The following EYS variants were observed in gnomAD, a reference collection of about 807,000 sequenced individuals.
The protein encoded by EYS is protein eyes shut homolog.
In EYS, 250 loss-of-function variants were observed where a neutral mutation model predicts 282.1. The ratio of observed to expected loss-of-function variants is 0.89; its 90% CI spans 0.80 to 0.98. EYS has a LOEUF of 0.98. Ranked by LOEUF, EYS falls within the 50% of genes least tolerant of loss-of-function variation. The pLI, the probability that EYS is intolerant of heterozygous loss-of-function variation, is 0.00. For missense variants in EYS, 4,016 were observed against 3,709.0 expected (o/e 1.08, Z -2.15); for synonymous variants, 1,355 against 1,282.9 (o/e 1.06, Z -1.20).
chr6:64,345,479 G>T (rs1236550898), intron 29 of EYS, among the ~76,000 whole-genome samples: 1 of 152,000 alleles, frequency 6.6e-6, no homozygotes, highest in Admixed American at 6.6e-5. Flanking sequence ...AAATGGTGCT[G>T]GGAAAACTGG....
intron 14 of EYS, among the ~76,000 whole-genome samples, chr6:64,990,844 G>A (rs1771038499): frequency 6.6e-6 from 1 of 151,508 alleles, no homozygotes; most frequent in Admixed American, 6.6e-5. Flanking sequence ...TCACATACTT[G>A]TTTACTCAGG....
intron 13 of EYS, among the ~76,000 whole-genome samples, chr6:65,015,059 T>C (rs1583399425): frequency 6.6e-6 from 1 of 152,180 alleles, no homozygotes; most frequent in East Asian, 1.9e-4. Context: ...CTCTAGAATC[T>C]AGTAAAGGCA....
At chr6:65,162,833 A>G (rs1225843901) in intron 12 of EYS, among the ~76,000 whole-genome samples, 1 of 150,558 alleles carries the variant, frequency 6.6e-6, no homozygotes. Flanking sequence ...TTTTGTGACA[A>G]TCTCCATCAT....
intron 2 of EYS, among the ~76,000 whole-genome samples, chr6:65,523,126 G>T (rs908637446): frequency 6.6e-6 from 1 of 151,938 alleles, no homozygotes; most frequent in African/African-American, 2.4e-5. Context: ...TGTTATATAT[G>T]ATTTTTTTAA....
In EYS at chr6:64,394,554, G is replaced by A. The variant is rs560108323; in HGVS notation, c.5928-5714C>T. 2.2e-3 allele frequency among the ~76,000 whole-genome samples: 332 copies of A among 152,076 alleles called. 6 individuals carry two copies. Among genetic ancestry groups the A allele is most frequent in the Admixed American group, 0.019 (297 of 15,266 alleles). The stretch of plus-strand genomic sequence containing the variant: ...GAAATGATTCCCTATTTAATAAATG[G>A]TGCTGGGAAAACTGGCTAGCCATAT... On this transcript the variant is annotated intron_variant, in intron 28 of 42. Coordinates refer to ENST00000503581, the MANE Select transcript of EYS (RefSeq NM_001142800.2).
intron 28 of EYS, chr6:64,412,929 G>A (rs1439293910): frequency 5.3e-5 from 8 of 152,102 alleles, no homozygotes; most frequent in Non-Finnish European, 1.2e-4. Context: ...AATTTTGGAT[G>A]GAGAAGTGCT....
intron 12 of EYS, among the ~76,000 whole-genome samples, chr6:65,163,494 TAAA>T (rs1764899625): frequency 1.3e-5 from 2 of 151,206 alleles, no homozygotes; most frequent in Non-Finnish European, 1.5e-5. Context: ...TTGTCACTCT[TAAA>T]GAAGGACATT....
At chr6:65,239,021 A>T (rs1766993575) in intron 12 of EYS, among the ~76,000 whole-genome samples, 1 of 152,180 alleles carries the variant, frequency 6.6e-6, no homozygotes, top group African/African-American at 2.4e-5. Flanking sequence ...AGAGCTGAGA[A>T]TATCATAGGC....
At chr6:64,528,059 G>A (rs529835488) in intron 26 of EYS, among the ~76,000 whole-genome samples, 2 of 151,936 alleles carry the variant, frequency 1.3e-5, no homozygotes, top group South Asian at 4.1e-4. Flanking sequence ...AGGTTCTGTA[G>A]AAAATTAGGT....
chr6:64,975,715 C>T (rs1419623384), intron 14 of EYS, among the ~76,000 whole-genome samples: 1 of 151,750 alleles, frequency 6.6e-6, no homozygotes, highest in South Asian at 2.1e-4. Flanking sequence ...AGCTGAATCT[C>T]CTAAAAATCC....
chr6:63,807,255 C>T (rs1292569285), intron 36 of EYS, among the ~76,000 whole-genome samples: 6 of 152,074 alleles, frequency 3.9e-5, no homozygotes, highest in Admixed American at 3.9e-4. Context: ...AGGGATGTTC[C>T]TAGGATCTAT....
At position 65,062,007 on chromosome 6, in the gene EYS, T is replaced by A. The variant is rs1004608827; in HGVS notation, c.2024-4280A>T. On this transcript the variant is annotated intron_variant, in intron 12 of 42. Coordinates refer to ENST00000503581, the MANE Select transcript of EYS (RefSeq NM_001142800.2). The stretch of plus-strand genomic sequence containing the variant: ...TGTCCATTGGATGTCACCTTTATTT[T>A]TGTTTATTCATTCTTTCATTTGAAA... 2.2e-4 allele frequency among the ~76,000 whole-genome samples: 34 copies of A among 151,980 alleles called. 1 individual carries two copies. The highest frequency in any genetic ancestry group is 2.9e-5 in the Non-Finnish European group (2 of 67,906).
intron 35 of EYS, among the ~76,000 whole-genome samples, chr6:63,967,440 TG>T (rs1429149035): frequency 6.6e-6 from 1 of 152,178 alleles, no homozygotes; most frequent in Non-Finnish European, 1.5e-5. Context: ...TTTAAAACTG[TG>T]GTATAGCCAC....
intron 37 of EYS, among the ~76,000 whole-genome samples, chr6:63,793,862 G>A (rs756410699): frequency 3.3e-5 from 5 of 152,142 alleles, no homozygotes; most frequent in Non-Finnish European, 7.3e-5. Context: ...ATTTGAGGCC[G>A]CTTAGAGCCT....
intron 33 of EYS, among the ~76,000 whole-genome samples, chr6:64,028,493 C>T (rs1248412898): frequency 6.6e-6 from 1 of 152,196 alleles, no homozygotes; most frequent in Non-Finnish European, 1.5e-5. Context: ...CAGTTGTACC[C>T]AACCCCTATA....
intron 29 of EYS, among the ~76,000 whole-genome samples, chr6:64,363,772 C>A (rs1772101021): frequency 6.6e-6 from 1 of 151,908 alleles, no homozygotes; most frequent in South Asian, 2.1e-4. Context: ...AACAATCTTT[C>A]TCATTTCTTA....
chr6:64,150,033 T>C lies in EYS; in HGVS notation c.6425-68031A>G, dbSNP rs1214638526. 5.9e-5 allele frequency among the ~76,000 whole-genome samples: 9 copies of C among 152,342 alleles called. No homozygotes were observed. In the East Asian group the frequency reaches 1.7e-3, roughly 29 times the overall value. The stretch of plus-strand genomic sequence containing the variant: ...TTACTGGTAATACCAATTGTTTTCA[T>C]AATTGGAACTATCCTGCAGTTCCTT... On this transcript the variant is annotated intron_variant, in intron 31 of 42. Coordinates refer to ENST00000503581, the MANE Select transcript of EYS (RefSeq NM_001142800.2).
chr6:64,729,787 G>C (rs1341910893), intron 22 of EYS, among the ~76,000 whole-genome samples: 1 of 152,000 alleles, frequency 6.6e-6, no homozygotes, highest in Non-Finnish European at 1.5e-5. Context: ...GGATACAAAC[G>C]ACTGATACAC....
At chr6:64,048,914 C>G (rs1012630744) in intron 33 of EYS, among the ~76,000 whole-genome samples, 4 of 152,078 alleles carry the variant, frequency 2.6e-5, no homozygotes, top group East Asian at 3.9e-4. Context: ...TTTTCCCCCC[C>G]TAGATGTTTG....
Sources: gnomAD v4.1 joint callset for allele counts (sites outside exome capture counted in the v4.1 genomes callset) on GRCh38, gnomAD v4.1.1 for gene constraint, MANE v1.5 for transcripts, NCBI Gene and HGNC (gene_info 2026-07-23, HGNC 2026-07-21) for gene names.